CCDC192: variants seen among roughly 807,000 people sequenced by gnomAD.
The protein encoded by CCDC192 is coiled-coil domain-containing protein 192.
chr5:127,747,476 T>C (rs887230530), intron 2 of CCDC192, among the ~76,000 whole-genome samples: 1 of 152,182 alleles, frequency 6.6e-6, no homozygotes, highest in Admixed American at 6.5e-5. Flanking sequence ...ATGGTGTATA[T>C]GTGCCACATT....
intron 6 of CCDC192, among the ~76,000 whole-genome samples, chr5:127,888,902 G>GT (rs200985331): frequency 0.023 from 3,510 of 152,246 alleles, 53 homozygotes; most frequent in Non-Finnish European, 0.035. Context: ...ACTTTTCCTT[G>GT]TAAGTCCCAA....
At chr5:127,895,660 C>G (rs377117144) in intron 6 of CCDC192, among the ~76,000 whole-genome samples, 5 of 151,602 alleles carry the variant, frequency 3.3e-5, no homozygotes, top group African/African-American at 9.7e-5. Context: ...GCCAACATGA[C>G]AAAACCCTGT....
intron 3 of CCDC192, among the ~76,000 whole-genome samples, chr5:127,787,395 C>T (rs913759737): frequency 8.5e-5 from 13 of 152,290 alleles, no homozygotes; most frequent in South Asian, 4.1e-4. Context: ...CTCCTGCTGC[C>T]GCCACCTCGT....
chr5:127,795,930 C>T (rs1415341127), intron 3 of CCDC192, among the ~76,000 whole-genome samples: 2 of 152,106 alleles, frequency 1.3e-5, no homozygotes, highest in Non-Finnish European at 2.9e-5. Flanking sequence ...TGAGGAGCAC[C>T]GCAGGTCTCC....
chr5:127,905,277 T>G (rs756100765), intron 6 of CCDC192, among the ~76,000 whole-genome samples: 2 of 152,198 alleles, frequency 1.3e-5, no homozygotes, highest in African/African-American at 2.4e-5. Context: ...TAATTCAGTC[T>G]CTCTTATTAA....
At chr5:127,921,208 A>G (rs2127190347) in intron 6 of CCDC192, among the ~76,000 whole-genome samples, 1 of 150,984 alleles carries the variant, frequency 6.6e-6, no homozygotes, top group East Asian at 1.9e-4. Context: ...AGAAAGAAAG[A>G]GAGTAGTGGA....
At chr5:127,745,530 A>G (rs1753692528) in intron 2 of CCDC192, among the ~76,000 whole-genome samples, 1 of 152,166 alleles carries the variant, frequency 6.6e-6, no homozygotes, top group Non-Finnish European at 1.5e-5. Flanking sequence ...ATTTAGTATC[A>G]TTTTAGATTG....
chr5:127,739,033 G>C (rs1753218243), intron 2 of CCDC192, among the ~76,000 whole-genome samples: 1 of 152,108 alleles, frequency 6.6e-6, no homozygotes. Context: ...CAGTTTTTCT[G>C]TTCTGTTTTT....
In CCDC192 at chr5:127,796,104, C is replaced by T. The variant is rs571016620; in HGVS notation, c.223-999C>T. Reference sequence around the variant, plus strand: ...TGAATGAGCGTGTGGCTGGATGGTTCGGTGCCAGTATGTATGTTGTGCTCA... The same window carrying T: ...TGAATGAGCGTGTGGCTGGATGGTTTGGTGCCAGTATGTATGTTGTGCTCA... On this transcript the variant is annotated intron_variant, in intron 3 of 6. Transcript: ENST00000514853. Among the ~76,000 whole-genome samples, 161 of 152,240 alleles carry T rather than the reference C, an allele frequency of 1.1e-3. 2 individuals are homozygous for T. The highest frequency in any genetic ancestry group is 3.4e-3 in the African/African-American group (141 of 41,528).
intron 3 of CCDC192, chr5:127,785,959 T>A: frequency 1.9e-6 from 1 of 532,146 alleles, no homozygotes; most frequent in Non-Finnish European, 3.5e-6. Flanking sequence ...TACATACATT[T>A]TGGGGTCATT....
Position 127,795,221 on chromosome 5 carries a change from C to T in CCDC192, c.223-1882C>T, listed in dbSNP as rs192889431. Among the ~76,000 whole-genome samples, 14 of 141,320 alleles carry T rather than the reference C, an allele frequency of 9.9e-5. No individual in the cohort carries two copies. In the East Asian group the frequency reaches 1.1e-3, roughly 11 times the overall value. 92.7% of individuals were successfully genotyped at this position (141,320 alleles called of 152,430 possible). A position where few individuals can be genotyped will look rare whatever the true frequency, so the allele number is the denominator to read the frequency against. On this transcript the variant is annotated intron_variant, in intron 3 of 6. Coordinates refer to ENST00000514853, the MANE Select transcript of CCDC192 (RefSeq NM_001317938.2). ...GGGAGGACCCCTTAAGCCCCAGAGG[C>T]GAAGGTTGCAGTGAGCAGCGATTGC...
chr5:127,776,765 G>T (rs1424369388), intron 3 of CCDC192, among the ~76,000 whole-genome samples: 1 of 152,218 alleles, frequency 6.6e-6, no homozygotes, highest in East Asian at 1.9e-4. Context: ...ATGGCTAAAA[G>T]GGGCCAAGGT....
At chr5:127,754,472 TACAC>T (rs368830307) in intron 3 of CCDC192, 97 bp downstream of exon 3, 209 of 325,628 alleles carry the variant, frequency 6.4e-4, no homozygotes, top group South Asian at 8.7e-4. Flanking sequence ...CCTCTACTGA[TACAC>T]ACACACACAC....
rs79513458 is a variant in CCDC192 at position 127,754,653 on chromosome 5, A to G, written c.222+278A>G. On this transcript the variant is annotated intron_variant, in intron 3 of 6. Transcript: ENST00000514853. ...ATATTTTATTTGACTTTCATTCACCACAGGCCATGAGTTAGGCAAACCTTC... is the reference window on the plus strand; with the variant it reads ...ATATTTTATTTGACTTTCATTCACCGCAGGCCATGAGTTAGGCAAACCTTC... Among the ~76,000 whole-genome samples the G allele has an allele frequency of 5.0e-3, 760 of 152,236 alleles. 8 individuals carry two copies. Among genetic ancestry groups the G allele is most frequent in the African/African-American group, 0.018 (732 of 41,522 alleles).
intron 3 of CCDC192, among the ~76,000 whole-genome samples, chr5:127,769,414 T>C (rs1251119411): frequency 1.5e-5 from 2 of 132,484 alleles, no homozygotes; most frequent in African/African-American, 3.3e-5. Context: ...TTTGTGTGTA[T>C]GTGTGTGTGT....
chr5:127,743,736 G>C (rs1297079334), intron 2 of CCDC192, among the ~76,000 whole-genome samples: 1 of 152,194 alleles, frequency 6.6e-6, no homozygotes, highest in Non-Finnish European at 1.5e-5. Context: ...GAGTGGATTA[G>C]AGCCAGGAAA....
At chr5:127,707,428 A>G (rs1751036179) in intron 1 of CCDC192, among the ~76,000 whole-genome samples, 1 of 150,906 alleles carries the variant, frequency 6.6e-6, no homozygotes, top group Admixed American at 6.6e-5. Context: ...TAGTTGAAAT[A>G]CAAGATTGTT....
At chr5:127,753,776 G>A (rs1405562870) in intron 2 of CCDC192, among the ~76,000 whole-genome samples, 2 of 151,940 alleles carry the variant, frequency 1.3e-5, no homozygotes, top group East Asian at 3.9e-4. Context: ...CTCTGGGGAA[G>A]AATGATCTGA....
At chr5:127,843,229 G>A (rs111693067) in intron 5 of CCDC192, among the ~76,000 whole-genome samples, 424 of 150,148 alleles carry the variant, frequency 2.8e-3, no homozygotes, top group African/African-American at 9.7e-3. Flanking sequence ...TAGTAGAGAC[G>A]AGGTTTCACC....
Sources: gnomAD v4.1 joint callset for allele counts (sites outside exome capture counted in the v4.1 genomes callset) on GRCh38, gnomAD v4.1.1 for gene constraint, MANE v1.5 for transcripts, NCBI Gene and HGNC (gene_info 2026-07-23, HGNC 2026-07-21) for gene names.